The following HTR1F variants were observed in gnomAD, a reference collection of about 807,000 sequenced individuals.
The protein encoded by HTR1F is 5-hydroxytryptamine (serotonin) receptor 1F, G protein-coupled.
HTR1F carries 17 observed loss-of-function variants against 24.0 expected under a neutral mutation model. That is an observed-to-expected ratio of 0.71 (90% confidence interval 0.48 to 1.06). The LOEUF (loss-of-function observed/expected upper bound fraction) is 1.06. Among genes scored for constraint, HTR1F ranks in the 50% least tolerant of loss-of-function variants. The pLI is 0.00. For missense variants in HTR1F, 391 were observed against 427.8 expected (o/e 0.91, Z 0.76); for synonymous variants, 186 against 156.8 (o/e 1.19, Z -1.39).
intron 2 of HTR1F, among the ~76,000 whole-genome samples, chr3:87,908,457 G>C (rs1267050892): frequency 6.6e-6 from 1 of 151,824 alleles, no homozygotes; most frequent in Admixed American, 6.6e-5. Context: ...TCTGTTAAAT[G>C]TTTCCCAACT....
intron 2 of HTR1F, among the ~76,000 whole-genome samples, chr3:87,876,011 A>G (rs1475251292): frequency 6.6e-6 from 1 of 152,164 alleles, no homozygotes; most frequent in Admixed American, 6.5e-5. Flanking sequence ...AAGATGCTCA[A>G]CATCATTAGT....
At position 87,991,110 on chromosome 3, in the gene HTR1F, C is replaced by T; in HGVS notation, c.361C>T (p.Arg121Trp). 6.2e-7 allele frequency: 1 copy of T among 1,613,856 alleles called. No individual in the cohort carries two copies. The highest frequency in any genetic ancestry group is 8.5e-7 in the Non-Finnish European group (1 of 1,180,030). Reference sequence around the variant, plus strand: ...GCATCTCTCAGCTATAGCTTTGGATCGGTATCGAGCAATCACAGATGCTGT... The same window carrying T: ...GCATCTCTCAGCTATAGCTTTGGATTGGTATCGAGCAATCACAGATGCTGT... ...ILHLSAIALDRYRAITDAVEY... is the reference protein window; with the variant it reads ...ILHLSAIALDWYRAITDAVEY... Residue 121 changes from arginine (R) to tryptophan (W), a missense_variant, in exon 3 of 3, where the codon CGG becomes TGG. Transcript: ENST00000319595.
intron 2 of HTR1F, among the ~76,000 whole-genome samples, chr3:87,945,451 TG>T (rs1236456065): frequency 6.6e-6 from 1 of 152,168 alleles, no homozygotes; most frequent in African/African-American, 2.4e-5. Flanking sequence ...AAGTCGTGTT[TG>T]GGACCCAGGA....
Position 87,974,222 on chromosome 3 carries a change from T to C in HTR1F, c.-42-16486T>C, listed in dbSNP as rs550304613. ...AATTTGTGGCCTCAAGTAGAGAAAA[T>C]GTCTTAACAACAACTATATTATTCA... On this transcript the variant is annotated intron_variant, in intron 2 of 2. Coordinates refer to ENST00000319595, the MANE Select transcript of HTR1F (RefSeq NM_001322209.2). Among the ~76,000 whole-genome samples the C allele has an allele frequency of 3.3e-5, 5 of 152,348 alleles. No individual in the cohort carries two copies. The East Asian group carries it at 9.6e-4, about 29-fold the overall frequency.
chr3:87,970,032 C>T (rs1408145490), intron 2 of HTR1F, among the ~76,000 whole-genome samples: 4 of 152,224 alleles, frequency 2.6e-5, no homozygotes, highest in Non-Finnish European at 4.4e-5. Flanking sequence ...TCCCCGGCCA[C>T]GTGGAACTGT....
At chr3:87,943,620 G>C (rs950860921) in intron 2 of HTR1F, among the ~76,000 whole-genome samples, 1 of 152,156 alleles carries the variant, frequency 6.6e-6, no homozygotes, top group African/African-American at 2.4e-5. Flanking sequence ...GACTCTGAGG[G>C]CTTCCTATAG....
chr3:87,813,994 A>ACCAGAAAG (rs772764339), intron 1 of HTR1F, among the ~76,000 whole-genome samples: 39 of 152,112 alleles, frequency 2.6e-4, no homozygotes, highest in Non-Finnish European at 5.3e-4. Flanking sequence ...AGACTAAAAC[A>ACCAGAAAG]CCAGAAAGCC....
chr3:87,982,347 GAATAGTCTGA>G (rs1260014178), intron 2 of HTR1F, among the ~76,000 whole-genome samples: 1 of 152,168 alleles, frequency 6.6e-6, no homozygotes, highest in East Asian at 1.9e-4. Context: ...AATAGTCTAA[GAATAGTCTGA>G]AATAGTCTGA....
chr3:87,948,402 C>T (rs563456380), intron 2 of HTR1F, among the ~76,000 whole-genome samples: 2 of 152,208 alleles, frequency 1.3e-5, no homozygotes, highest in East Asian at 1.9e-4. Flanking sequence ...TTCTTCATAA[C>T]ATTTATTTAT....
At chr3:87,967,009 A>T (rs1400388106) in intron 2 of HTR1F, among the ~76,000 whole-genome samples, 1 of 152,198 alleles carries the variant, frequency 6.6e-6, no homozygotes, top group Non-Finnish European at 1.5e-5. Context: ...TGCTTACAGA[A>T]TTATTTACAT....
At chr3:87,928,937 C>T (rs1210665180) in intron 2 of HTR1F, among the ~76,000 whole-genome samples, 1 of 152,168 alleles carries the variant, frequency 6.6e-6, no homozygotes, top group East Asian at 1.9e-4. Context: ...GTCTAAGCAA[C>T]TCAACTGGTG....
At chr3:87,830,794 G>A (rs2107151042) in intron 2 of HTR1F, among the ~76,000 whole-genome samples, 1 of 152,314 alleles carries the variant, frequency 6.6e-6, no homozygotes. Context: ...CTTGCATTAA[G>A]AGACAGATGG....
At position 87,793,961 on chromosome 3, in the gene HTR1F, T is replaced by G. The variant is rs1703859570; in HGVS notation, c.-160+1119T>G. ...CAATTTGATTAAATTTTAGTGGATA[T>G]GCTATGCCAAAAAAAAAAAAAAGAG... On this transcript the variant is annotated intron_variant, in intron 1 of 2. Coordinates refer to ENST00000319595, the MANE Select transcript of HTR1F (RefSeq NM_001322209.2). 7.4e-5 allele frequency among the ~76,000 whole-genome samples: 8 copies of G among 107,624 alleles called. No homozygotes were observed. In the South Asian group the frequency reaches 2.5e-3, roughly 34 times the overall value. The allele number at this position is 107,624 out of a possible 152,430, so 70.6% of individuals were successfully genotyped here. A position where few individuals can be genotyped will look rare whatever the true frequency, so the allele number is the denominator to read the frequency against.
chr3:87,932,237 G>T (rs1194358798), intron 2 of HTR1F, among the ~76,000 whole-genome samples: 1 of 152,080 alleles, frequency 6.6e-6, no homozygotes. Flanking sequence ...TGTAAGGAAG[G>T]GATCCAGTTT....
chr3:87,980,237 A>G (rs1189677377), intron 2 of HTR1F, among the ~76,000 whole-genome samples: 6 of 152,302 alleles, frequency 3.9e-5, no homozygotes, highest in African/African-American at 1.2e-4. Context: ...TGGAGTGGGT[A>G]GCTCCTATCT....
At chr3:87,877,586 T>C (rs1336114665) in intron 2 of HTR1F, among the ~76,000 whole-genome samples, 1 of 152,110 alleles carries the variant, frequency 6.6e-6, no homozygotes, top group Non-Finnish European at 1.5e-5. Flanking sequence ...ACAACAAACA[T>C]GAAAAGGGCA....
chr3:87,913,988 A>C (rs1703835992), intron 2 of HTR1F, among the ~76,000 whole-genome samples: 1 of 152,182 alleles, frequency 6.6e-6, no homozygotes. Context: ...GAGGATCCAC[A>C]GACCCCCTGA....
chr3:87,857,437 AT>A (rs1358669522), intron 2 of HTR1F, among the ~76,000 whole-genome samples: 2 of 152,168 alleles, frequency 1.3e-5, no homozygotes, highest in African/African-American at 4.8e-5. Flanking sequence ...CATATGACAA[AT>A]ACCTTCCAAA....
intron 2 of HTR1F, among the ~76,000 whole-genome samples, chr3:87,953,939 A>G (rs1311815976): frequency 6.6e-6 from 1 of 151,858 alleles, no homozygotes; most frequent in African/African-American, 2.4e-5. Flanking sequence ...AGACATAGAA[A>G]GACAAATGTC....
Sources: gnomAD v4.1 joint callset for allele counts (sites outside exome capture counted in the v4.1 genomes callset) on GRCh38, gnomAD v4.1.1 for gene constraint, MANE v1.5 for transcripts, NCBI Gene and HGNC (gene_info 2026-07-23, HGNC 2026-07-21) for gene names.